MAP3K21: variants seen among roughly 807,000 people sequenced by gnomAD.
MAP3K21 encodes mitogen-activated protein kinase kinase kinase MLK4.
Under a neutral mutation model 86.1 loss-of-function variants are expected in MAP3K21, and 63 were observed. The ratio of observed to expected loss-of-function variants is 0.73; its 90% CI spans 0.60 to 0.90. The LOEUF (loss-of-function observed/expected upper bound fraction) is 0.90. MAP3K21 is among the 40% of genes least tolerant of loss of function. MAP3K21 has a pLI of 0.00. For missense variants in MAP3K21, 1,220 were observed against 1,367.7 expected (o/e 0.89, Z 1.70); for synonymous variants, 558 against 564.8 (o/e 0.99, Z 0.17).
chr1:233,372,490 G>A (rs956188012), intron 6 of MAP3K21: 3 of 347,460 alleles, frequency 8.6e-6, no homozygotes, highest in Non-Finnish European at 1.5e-5. Flanking sequence ...AGCCATTTGT[G>A]TCAGGGTACT....
At chr1:233,332,598 A>G (rs2102756968) in intron 1 of MAP3K21, among the ~76,000 whole-genome samples, 1 of 152,274 alleles carries the variant, frequency 6.6e-6, no homozygotes, top group East Asian at 1.9e-4. Context: ...GGTTGTCTAT[A>G]TGAGAGGAGG....
In MAP3K21 at chr1:233,379,234, A is replaced by G; in HGVS notation, c.2228A>G (p.His743Arg). The part of the protein sequence containing the change: ...VALGLDLREL[H>R]KAQAAEEPLP... ...CTGGGACTGGACCTCAGAGAGCTTCATAAAGCACAGGCTGCTGAAGAACCG... is the reference window on the plus strand; with the variant it reads ...CTGGGACTGGACCTCAGAGAGCTTCGTAAAGCACAGGCTGCTGAAGAACCG... Residue 743 changes from histidine to arginine, a missense_variant, in exon 9 of 10, where the codon CAT becomes CGT. His to Arg is a conservative substitution (Grantham distance 29). This residue lies in a region of MAP3K21 where 632 missense variants were observed against 691.3 expected (regional missense o/e 0.91). Transcript: ENST00000366624. 6.2e-7 allele frequency: 1 copy of G among 1,614,212 alleles called. No individual in the cohort carries two copies. Among genetic ancestry groups the G allele is most frequent in the Non-Finnish European group, 8.5e-7 (1 of 1,180,024 alleles).
In MAP3K21 at chr1:233,379,591, C is replaced by G. The variant is rs1663873780; in HGVS notation, c.2585C>G (p.Ser862Ter). 6.2e-7 allele frequency: 1 copy of G among 1,614,192 alleles called. No homozygotes were observed. The highest frequency in any genetic ancestry group is 1.7e-5 in the Admixed American group (1 of 60,026). ...MPRLDTDCSV[S>*]RNLPSSFLQQ... The stretch of plus-strand genomic sequence containing the variant: ...AGACTTGACACTGATTGTAGTGTAT[C>G]AAGAAACTTGCCGTCTTCCTTCCTA... Residue 862 changes from serine (S) to a stop codon, truncating the protein, a stop_gained, in exon 9 of 10, where the codon TCA becomes TGA. Coordinates refer to ENST00000366624, the MANE Select transcript of MAP3K21 (RefSeq NM_032435.3). LOFTEE classifies it high-confidence loss of function.
At position 233,354,909 on chromosome 1, in the gene MAP3K21, G is replaced by A; in HGVS notation, c.1209G>A (p.Gly403=). Residue 403 remains glycine, a synonymous_variant, in exon 4 of 10, where the codon GGG becomes GGA. Coordinates refer to ENST00000366624, the MANE Select transcript of MAP3K21 (RefSeq NM_032435.3). The part of the protein sequence containing the change: ...LILEQLTAIE[G]AVMTEMPQES... The stretch of plus-strand genomic sequence containing the variant: ...TCGAACAGTTGACTGCTATTGAAGG[G>A]GCAGTGATGACTGAGATGCCTCAAG... 6.2e-7 allele frequency: 1 copy of A among 1,613,522 alleles called. No homozygotes were observed. The highest frequency in any genetic ancestry group is 8.5e-7 in the Non-Finnish European group (1 of 1,179,460).
intron 1 of MAP3K21, among the ~76,000 whole-genome samples, chr1:233,343,631 G>C (rs952418882): frequency 6.6e-6 from 1 of 152,204 alleles, no homozygotes; most frequent in Non-Finnish European, 1.5e-5. Context: ...TCAACTAAAT[G>C]AGTACATAGT....
chr1:233,351,591 G>A (rs1355620763), intron 2 of MAP3K21, among the ~76,000 whole-genome samples: 1 of 151,978 alleles, frequency 6.6e-6, no homozygotes, highest in Non-Finnish European at 1.5e-5. Context: ...CTACTCAGGA[G>A]GCTGAGGCAG....
chr1:233,382,361 C>T lies in MAP3K21; in HGVS notation c.2761C>T (p.Pro921Ser). The stretch of plus-strand genomic sequence containing the variant: ...CTCTGCACTGCCACTCTGCCCCTCA[C>T]CTGCTCCTCACAGTCATCTGCCAAG... ...GASALPLCPS[P>S]APHSHLPREV... Residue 921 changes from proline (P) to serine (S), a missense_variant, in exon 10 of 10, where the codon CCT becomes TCT. Pro to Ser is a moderately conservative substitution (Grantham distance 74). Transcript: ENST00000366624. The T allele has an allele frequency of 1.2e-6, 2 of 1,614,140 alleles. No homozygotes were observed. Among genetic ancestry groups the T allele is most frequent in the Non-Finnish European group, 1.7e-6 (2 of 1,179,982 alleles).
chr1:233,334,963 C>CTTTTTTT (rs10640127), intron 1 of MAP3K21, among the ~76,000 whole-genome samples: 2 of 146,598 alleles, frequency 1.4e-5, no homozygotes, highest in Non-Finnish European at 3.0e-5. Flanking sequence ...TTCTTTCTTT[C>CTTTTTTT]TTTTTTTTTT....
chr1:233,335,815 G>A (rs1044633215), intron 1 of MAP3K21, among the ~76,000 whole-genome samples: 13 of 152,228 alleles, frequency 8.5e-5, no homozygotes, highest in South Asian at 4.2e-4. Flanking sequence ...ACATCTTAAC[G>A]TAGCATTTGT....
Position 233,342,992 on chromosome 1 carries a change from C to T in MAP3K21, c.806-3450C>T, listed in dbSNP as rs115903788. On this transcript the variant is annotated intron_variant, in intron 1 of 9. Transcript: ENST00000366624. ...TCTAAATTTCAGTTACAAGATGACA[C>T]GGGGAAAAAAGTTGTAACCCAACAG... is the stretch of plus-strand genomic sequence containing the variant. 2.3e-3 allele frequency among the ~76,000 whole-genome samples: 344 copies of T among 152,174 alleles called. 3 individuals carry two copies. The highest frequency in any genetic ancestry group is 7.5e-3 in the African/African-American group (313 of 41,518).
chr1:233,362,180 A>T lies in MAP3K21; in HGVS notation c.1439A>T (p.Asn480Ile). The T allele has an allele frequency of 6.2e-7, 1 of 1,614,224 alleles. No homozygotes were observed. Among genetic ancestry groups the T allele is most frequent in the Non-Finnish European group, 8.5e-7 (1 of 1,180,044 alleles). ...REIDVLEREL[N>I]ILIFQLNQEK... Reference sequence around the variant, plus strand: ...ATCGACGTGCTGGAGCGGGAACTTAACATTCTGATATTCCAGCTAAACCAG... The same window carrying T: ...ATCGACGTGCTGGAGCGGGAACTTATCATTCTGATATTCCAGCTAAACCAG... Residue 480 changes from asparagine (N) to isoleucine (I), a missense_variant, in exon 5 of 10, where the codon AAC (asparagine) becomes ATC (isoleucine). Asn to Ile is a moderately radical substitution (Grantham distance 149). Around this residue, in one of 5 missense-constraint regions of MAP3K21, gnomAD observed 632 missense variants for 691.3 expected, o/e 0.91. Transcript: ENST00000366624.
chr1:233,380,335 A>G (rs1292055042), intron 9 of MAP3K21, among the ~76,000 whole-genome samples: 1 of 152,190 alleles, frequency 6.6e-6, no homozygotes, highest in Non-Finnish European at 1.5e-5. Context: ...CTTCACTCTG[A>G]GTGCATCTGT....
intron 4 of MAP3K21, among the ~76,000 whole-genome samples, chr1:233,360,763 C>T (rs1663453565): frequency 6.6e-6 from 1 of 152,150 alleles, no homozygotes; most frequent in Non-Finnish European, 1.5e-5. Context: ...ATTCTAGTCC[C>T]TTGGTTTGGG....
At chr1:233,359,394 G>T (rs571658169) in intron 4 of MAP3K21, among the ~76,000 whole-genome samples, 5 of 152,134 alleles carry the variant, frequency 3.3e-5, no homozygotes, top group Non-Finnish European at 7.3e-5. Context: ...TACAATTAAA[G>T]AATATATAAT....
intron 1 of MAP3K21, 100 bp from the exon 2 acceptor site, chr1:233,346,342 C>A: frequency 1.1e-6 from 1 of 878,058 alleles, no homozygotes; most frequent in Non-Finnish European, 1.7e-6. Context: ...CTTGTTTATT[C>A]TGCCAACTAC....
rs547102958 is a variant in MAP3K21 at position 233,365,111 on chromosome 1, G to GTAAA, written c.1552+2821_1552+2822insATAA. 3.0e-3 allele frequency among the ~76,000 whole-genome samples: 451 copies of GTAAA among 152,276 alleles called. 4 individuals are homozygous for GTAAA. The highest frequency in any genetic ancestry group is 0.01 in the African/African-American group (424 of 41,568). ...AGTATAGAAGAGAAAGCAAGCATGT[G>GTAAA]TAACTTAAAATCCAGGGAGTTAGTT... On this transcript the variant is annotated intron_variant, in intron 5 of 9. Coordinates refer to ENST00000366624, the MANE Select transcript of MAP3K21 (RefSeq NM_032435.3).
In MAP3K21 at chr1:233,379,262, G is replaced by A. The variant is rs1381941706; in HGVS notation, c.2256G>A (p.Leu752=). Reference sequence around the variant, plus strand: ...AAGCACAGGCTGCTGAAGAACCGTTGCCCAAGGAAGAGAAGAAGAAACGAG... The same window carrying A: ...AAGCACAGGCTGCTGAAGAACCGTTACCCAAGGAAGAGAAGAAGAAACGAG... ...LHKAQAAEEP[L]PKEEKKKREG... Residue 752 remains leucine (L), a synonymous_variant, in exon 9 of 10, where the codon TTG becomes TTA. Coordinates refer to ENST00000366624, the MANE Select transcript of MAP3K21 (RefSeq NM_032435.3). 1.2e-6 allele frequency: 2 copies of A among 1,614,208 alleles called. No individual in the cohort carries two copies. Among genetic ancestry groups the A allele is most frequent in the South Asian group, 1.1e-5 (1 of 91,078 alleles).
At chr1:233,344,696 A>C (rs1399212047) in intron 1 of MAP3K21, among the ~76,000 whole-genome samples, 1 of 152,210 alleles carries the variant, frequency 6.6e-6, no homozygotes, top group Non-Finnish European at 1.5e-5. Flanking sequence ...CCAAAACACC[A>C]AAAGCAATGG....
At chr1:233,370,989 C>A (rs1417025862) in intron 5 of MAP3K21, among the ~76,000 whole-genome samples, 1 of 152,206 alleles carries the variant, frequency 6.6e-6, no homozygotes, top group African/African-American at 2.4e-5. Flanking sequence ...CCAGTAATGT[C>A]TTTTACCTCC....
Sources: gnomAD v4.1 joint callset for allele counts (sites outside exome capture counted in the v4.1 genomes callset) on GRCh38, gnomAD v4.1.1 for gene constraint, gnomAD v4.1.1 regional missense constraint, MANE v1.5 for transcripts, NCBI Gene and HGNC (gene_info 2026-07-23, HGNC 2026-07-21) for gene names.